Variants in FLG observed in about 807,000 individuals in gnomAD.
FLG encodes the protein epidermal filaggrin.
Under a neutral mutation model 3.8 loss-of-function variants are expected in FLG, and 6 were observed. The ratio of observed to expected loss-of-function variants is 1.60; its 90% confidence interval spans 0.87 to 3.15. The LOEUF is 3.15. FLG is among the 30% of genes most tolerant of loss of function. The pLI is 0.00. For missense variants in FLG, 7,595 were observed against 5,050.9 expected (o/e 1.50, Z -15.27); for synonymous variants, 2,551 against 1,931.6 (o/e 1.32, Z -8.41).
At position 152,312,159 on chromosome 1, in the gene FLG, T is replaced by G; in HGVS notation, c.2727A>C (p.Ser909=). The change falls in exon 3 of 3, where the codon TCA becomes TCC. Residue 909 remains serine, a synonymous_variant. Coordinates refer to ENST00000368799, the MANE Select transcript of FLG (RefSeq NM_002016.2). ...EEQSRDGSRH[S]GSRHHEASSH... is the part of the protein sequence containing the mutation. ...AGGAAGCTTCATGGTGACGTGACCC[T>G]GAGTGCCTGGAGCCGTCTCTTGATT... 2 of 1,614,074 alleles carry G rather than the reference T, an allele frequency of 1.2e-6. No individual in the cohort carries two copies. The highest frequency in any genetic ancestry group is 1.7e-6 in the Non-Finnish European group (2 of 1,180,008).
At position 152,308,482 on chromosome 1, in the gene FLG, T is replaced by C. The variant is rs777578018; in HGVS notation, c.6404A>G (p.Gln2135Arg). 5 of 1,613,906 alleles carry C rather than the reference T, an allele frequency of 3.1e-6. No homozygotes were observed. The South Asian group carries it at 5.5e-5, about 18-fold the overall frequency. Residue 2135 changes from glutamine (Q) to arginine (R), a missense_variant, in exon 3 of 3, where the codon CAG becomes CGG. Gln to Arg is a conservative substitution (Grantham distance 43). Coordinates refer to ENST00000368799, the MANE Select transcript of FLG (RefSeq NM_002016.2). The stretch of plus-strand genomic sequence containing the variant: ...CCCCGGGTGTCCACGAATGGTGTCC[T>C]GACCCTCTTGGGATGCTGAGTGCCT... ...SSRHSASQEG[Q>R]DTIRGHPGPS...
Position 152,313,642 on chromosome 1 carries a change from C to G in FLG, c.1244G>C (p.Arg415Pro). 1 of 1,614,048 alleles carries G rather than the reference C, an allele frequency of 6.2e-7. No individual in the cohort carries two copies. ...ACTGGCCTGACTACCGCTAGACCCC[C>G]GGTGTCCACGATCGCTGACTGCAGA... ...ASSAVSDRGH[R>P]GSSGSQASDS... is the part of the protein sequence containing the mutation. Residue 415 changes from arginine (R) to proline (P), a missense_variant, in exon 3 of 3, where the codon CGG becomes CCG. Coordinates refer to ENST00000368799, the MANE Select transcript of FLG (RefSeq NM_002016.2).
In FLG at chr1:152,313,023, A is replaced by G. The variant is rs1239664796; in HGVS notation, c.1863T>C (p.Val621=). 2 of 1,613,888 alleles carry G rather than the reference A, an allele frequency of 1.2e-6. No individual in the cohort carries two copies. Among genetic ancestry groups the G allele is most frequent in the South Asian group, 1.1e-5 (1 of 91,064 alleles). ...GTCCCTGACTGTCACTGTCCTGGCT[A>G]ACACTGGATCCCTGGTTCCTACTTG... The part of the protein sequence containing the change: ...PRTSRNQGSS[V]SQDSDSQGHS... The change falls in exon 3 of 3, where the codon GTT becomes GTC. Residue 621 remains valine, a synonymous_variant. Transcript: ENST00000368799.
rs1652333408 is a variant in FLG at position 152,310,557 on chromosome 1, G to T, written c.4329C>A (p.Tyr1443Ter). 1 of 1,613,676 alleles carries T rather than the reference G, an allele frequency of 6.2e-7. No individual in the cohort carries two copies. ...ESSGRSRSFL[Y>*]QVSSHEQSES... ...CAGACTGTTCATGAGAGCTCACCTG[G>T]TAGAGGAAAGACCTTGAACGTCCAG... is the stretch of plus-strand genomic sequence containing the variant. Residue 1443 changes from tyrosine to a stop codon, truncating the protein, a stop_gained, in exon 3 of 3, where the codon TAC (tyrosine) becomes TAA (stop). Coordinates refer to ENST00000368799, the MANE Select transcript of FLG (RefSeq NM_002016.2). LOFTEE classifies it low-confidence loss of function (END_TRUNC).
At position 152,308,395 on chromosome 1, in the gene FLG, G is replaced by C. The variant is rs1652134879; in HGVS notation, c.6491C>G (p.Ser2164Ter). The C allele has an allele frequency of 1.9e-6, 3 of 1,613,692 alleles. No individual in the cohort carries two copies. Among genetic ancestry groups the C allele is most frequent in the Non-Finnish European group, 2.5e-6 (3 of 1,179,904 alleles). ...TGTGGTGTGGCTGTGATGAGACCCT[G>C]AGTGTCCAGACCTATCTACCGATTG... ...QEQSVDRSGH[S>*]GSHHSHTTSQ... The change falls in exon 3 of 3, where the codon TCA becomes TGA. Residue 2164 changes from serine (S) to a stop codon, truncating the protein, a stop_gained. Coordinates refer to ENST00000368799, the MANE Select transcript of FLG (RefSeq NM_002016.2). LOFTEE classifies it low-confidence loss of function (END_TRUNC).
rs762523716 is a variant in FLG, at chr1:152,311,558, T to G, written c.3328A>C (p.Arg1110=). 1 of 1,613,946 alleles carries G rather than the reference T, an allele frequency of 6.2e-7. No individual in the cohort carries two copies. Reference sequence around the variant, plus strand: ...ATGAAAGACCCTGAACGTCCAGACCTTCCCCCTGACCAGTCACGTGCGGAC... The same window carrying G: ...ATGAAAGACCCTGAACGTCCAGACCGTCCCCCTGACCAGTCACGTGCGGAC... ...QESARDWSGG[R]SGRSGSFIYQ... is the part of the protein sequence containing the mutation. The change falls in exon 3 of 3, where the codon AGG becomes CGG. Residue 1110 remains arginine, a synonymous_variant. Coordinates refer to ENST00000368799, the MANE Select transcript of FLG (RefSeq NM_002016.2).
At chr1:152,314,807 T>A (rs1652720119) in intron 2 of FLG, 60 bp from the exon 3 acceptor site, 1 of 1,604,592 alleles carries the variant, frequency 6.2e-7, no homozygotes, top group African/African-American at 1.3e-5. Context: ...TATCAGCCAA[T>A]TAATTCAAAG....
In FLG at chr1:152,312,572, G is replaced by A. The variant is rs1276062913; in HGVS notation, c.2314C>T (p.Gln772Ter). The A allele has an allele frequency of 1.2e-6, 2 of 1,613,624 alleles. No homozygotes were observed. The highest frequency in any genetic ancestry group is 2.2e-5 in the East Asian group (1 of 44,820). ...CGTGCGGACTCTTGGTGGCTCTGCTGATGGTGACCAGCCTGTCCATGGCCT... is the reference window on the plus strand; with the variant it reads ...CGTGCGGACTCTTGGTGGCTCTGCTAATGGTGACCAGCCTGTCCATGGCCT... The part of the protein sequence containing the change: ...VSGHGQAGHH[Q>*]QSHQESARDR... The change falls in exon 3 of 3, where the codon CAG becomes TAG. Residue 772 changes from glutamine to a stop codon, truncating the protein, a stop_gained. Transcript: ENST00000368799. LOFTEE classifies it low-confidence loss of function (END_TRUNC).
At position 152,308,391 on chromosome 1, in the gene FLG, C is replaced by T; in HGVS notation, c.6495G>A (p.Gly2165=). 1 of 1,613,792 alleles carries T rather than the reference C, an allele frequency of 6.2e-7. No individual in the cohort carries two copies. Among genetic ancestry groups the T allele is most frequent in the Non-Finnish European group, 8.5e-7 (1 of 1,179,880 alleles). The change falls in exon 3 of 3, where the codon GGG becomes GGA. Residue 2165 remains glycine, a synonymous_variant. Coordinates refer to ENST00000368799, the MANE Select transcript of FLG (RefSeq NM_002016.2). ...EQSVDRSGHS[G]SHHSHTTSQG... ...GGGATGTGGTGTGGCTGTGATGAGA[C>T]CCTGAGTGTCCAGACCTATCTACCG... is the stretch of plus-strand genomic sequence containing the variant.
Position 152,308,294 on chromosome 1 carries a change from G to C in FLG, c.6592C>G (p.Gln2198Glu). ...SASRKTYDKE[Q>E]SGDGSRHSGS... ...GAGTGCCTAGAGCCATCTCCTGATT[G>C]TTCCTTGTCATATGTTTTTCTGCTT... The change falls in exon 3 of 3, where the codon CAA (glutamine) becomes GAA (glutamate). Residue 2198 changes from glutamine to glutamate, a missense_variant. Transcript: ENST00000368799. 4 of 1,613,662 alleles carry C rather than the reference G, an allele frequency of 2.5e-6. No individual in the cohort carries two copies. The highest frequency in any genetic ancestry group is 2.5e-6 in the Non-Finnish European group (3 of 1,179,700).
rs753493207 is a variant in FLG, at chr1:152,308,932, G to A, written c.5954C>T (p.Ser1985Phe). 6.2e-7 allele frequency: 1 copy of A among 1,614,184 alleles called. No individual in the cohort carries two copies. The highest frequency in any genetic ancestry group is 8.5e-7 in the Non-Finnish European group (1 of 1,179,998). Residue 1985 changes from serine (S) to phenylalanine (F), a missense_variant, in exon 3 of 3, where the codon TCC becomes TTC. By Grantham distance (155) the Ser-to-Phe change is radical. Transcript: ENST00000368799. ...GGATGACGCAGCCTGTCCACGAGAG[G>A]AAGACTCTGTGTGACGAGTGCCTGA... ...RQSGTRHTES[S>F]SRGQAASSHE...
In FLG at chr1:152,312,757, G is replaced by T; in HGVS notation, c.2129C>A (p.Ser710Tyr). 1 of 1,613,988 alleles carries T rather than the reference G, an allele frequency of 6.2e-7. No individual in the cohort carries two copies. The highest frequency in any genetic ancestry group is 8.5e-7 in the Non-Finnish European group (1 of 1,180,008). ...ARSSAGERHG[S>Y]RHQLQSADSS... ...GTCTGCTGACTGGAGCTGGTGGCGG[G>T]ATCCATGTCTTTCTCCTGCACTTGA... The change falls in exon 3 of 3, where the codon TCC (serine) becomes TAC (tyrosine). Residue 710 changes from serine to tyrosine, a missense_variant. Transcript: ENST00000368799.
At position 152,315,404 on chromosome 1, in the gene FLG, T is replaced by A; in HGVS notation, c.53A>T (p.Tyr18Phe). Residue 18 changes from tyrosine (Y) to phenylalanine (F), a missense_variant, in exon 2 of 3, where the codon TAT becomes TTT. Transcript: ENST00000368799. Reference sequence around the variant, plus strand: ...GTCAGTGTTTTTATCTTTTTTTGAATATTGCTTGAAAAGATTAATTATGGC... The same window carrying A: ...GTCAGTGTTTTTATCTTTTTTTGAAAATTGCTTGAAAAGATTAATTATGGC... ...IFAIINLFKQYSKKDKNTDTL... is the reference protein window; with the variant it reads ...IFAIINLFKQFSKKDKNTDTL... 6.2e-7 allele frequency: 1 copy of A among 1,612,120 alleles called. No individual in the cohort carries two copies. Among genetic ancestry groups the A allele is most frequent in the Non-Finnish European group, 8.5e-7 (1 of 1,178,910 alleles).
intron 1 of FLG, 49 bp downstream of exon 1, chr1:152,325,140 C>T (rs1653107884): frequency 6.6e-6 from 1 of 151,872 alleles, no homozygotes. Flanking sequence ...ATTCAGATTT[C>T]CACCTTGGTT....
chr1:152,320,468 T>C (rs148773356), intron 1 of FLG, among the ~76,000 whole-genome samples: 3 of 151,130 alleles, frequency 2.0e-5, no homozygotes, highest in Admixed American at 6.6e-5. Context: ...TATTATTATA[T>C]TCATATCTGT....
At chr1:152,316,524 A>G (rs150987306) in intron 1 of FLG, among the ~76,000 whole-genome samples, 4 of 152,284 alleles carry the variant, frequency 2.6e-5, no homozygotes, top group South Asian at 2.1e-4. Context: ...ACTAATTACA[A>G]TACATGTAAA....
intron 1 of FLG, among the ~76,000 whole-genome samples, chr1:152,322,723 A>G (rs528946969): frequency 1.3e-5 from 2 of 151,426 alleles, no homozygotes; most frequent in Non-Finnish European, 3.0e-5. Flanking sequence ...AAATATTGAG[A>G]TAAAGATTTA....
In FLG at chr1:152,307,202, T is replaced by G. The variant is rs569964697; in HGVS notation, c.7684A>C (p.Asn2562His). 7 of 1,611,914 alleles carry G rather than the reference T, an allele frequency of 4.3e-6. No individual in the cohort carries two copies. The highest frequency in any genetic ancestry group is 2.2e-5 in the East Asian group (1 of 44,810). Residue 2562 changes from asparagine (N) to histidine (H), a missense_variant, in exon 3 of 3, where the codon AAC becomes CAC. Transcript: ENST00000368799. ...GQSEGPRTSR[N>H]WGSSFSQDSD... ...TCCTGGCTAAAACTGGATCCCCAGT[T>G]CCTGCTTGTCCTGGGCCCCTCTGAT...
chr1:152,307,556 T>A lies in FLG; in HGVS notation c.7330A>T (p.Lys2444Ter), dbSNP rs71625200. ...TGCCTGGAGCTGTCTCGTGCCTGCTTGTGGTGGGATCCTTGTCTTCCTCCA... is the reference window on the plus strand; with the variant it reads ...TGCCTGGAGCTGTCTCGTGCCTGCTAGTGGTGGGATCCTTGTCTTCCTCCA... ...STGGRQGSHH[K>*]QARDSSRHST... Residue 2444 changes from lysine to a stop codon, truncating the protein, a stop_gained, in exon 3 of 3, where the codon AAG (lysine) becomes TAG (stop). Coordinates refer to ENST00000368799, the MANE Select transcript of FLG (RefSeq NM_002016.2). LOFTEE classifies it low-confidence loss of function (END_TRUNC). 1.9e-6 allele frequency: 3 copies of A among 1,613,052 alleles called. No homozygotes were observed. The highest frequency in any genetic ancestry group is 2.5e-6 in the Non-Finnish European group (3 of 1,179,762).
Sources: allele counts gnomAD v4.1 joint callset (sites outside exome capture counted in the v4.1 genomes callset), GRCh38; gene constraint gnomAD v4.1.1; transcripts MANE v1.5; gene names NCBI Gene and HGNC (gene_info 2026-07-23, HGNC 2026-07-21).